The following STAG2 variants were observed in gnomAD, a reference collection of about 807,000 sequenced individuals.
STAG2 encodes cohesin subunit SA-2.
Under a neutral mutation model 108.1 loss-of-function variants are expected in STAG2, and 14 were observed. That is an observed-to-expected ratio of 0.13 (90% CI 0.09 to 0.20). STAG2 has a LOEUF of 0.20. Ranked by LOEUF, STAG2 falls within the 10% of genes least tolerant of loss-of-function variation. STAG2 has a pLI of 1.00. For missense variants in STAG2, 440 were observed against 940.9 expected (o/e 0.47, Z 6.96); for synonymous variants, 307 against 302.7 (o/e 1.01, Z -0.15).
chrX:124,067,426 G>A (rs926776325), intron 23 of STAG2, among the ~76,000 whole-genome samples: 8 of 109,142 alleles, frequency 7.3e-5, no homozygotes, highest in African/African-American at 2.0e-4. Flanking sequence ...GCATCTCCAC[G>A]CCCACTAACT....
intron 7 of STAG2, among the ~76,000 whole-genome samples, chrX:124,044,494 GTTACTT>G (rs1180149475): frequency 9.0e-6 from 1 of 111,197 alleles, no homozygotes; most frequent in Non-Finnish European, 1.9e-5. Context: ...GTCAGAGACC[GTTACTT>G]TTAGATGTTC....
chrX:124,086,975 T>TGACAGTA (rs1183807996), intron 30 of STAG2, among the ~76,000 whole-genome samples: 2 of 112,619 alleles, frequency 1.8e-5, no homozygotes, highest in African/African-American at 6.5e-5. Context: ...ATTTTTCAGA[T>TGACAGTA]GACAGTACTT....
chrX:124,090,281 T>C (rs1290030521), intron 30 of STAG2, among the ~76,000 whole-genome samples: 1 of 108,585 alleles, frequency 9.2e-6, no homozygotes, highest in East Asian at 3.0e-4. Context: ...ATACCTACTC[T>C]AGTTAGAAGT....
chrX:124,061,840 G>A lies in STAG2; in HGVS notation c.1604G>A (p.Cys535Tyr). 8.8e-7 allele frequency: 1 copy of A among 1,139,150 alleles called. No homozygotes were observed. Among genetic ancestry groups the A allele is most frequent in the Non-Finnish European group, 1.2e-6 (1 of 854,235 alleles). 93.9% of individuals were successfully genotyped at this position (1,139,150 alleles called of 1,213,427 possible). The part of the protein sequence containing the change: ...MLCTIRQAAE[C>Y]HPPVGRGTGK... ...TGTACCATTAGACAAGCGGCTGAAT[G>A]TCATCCTCCCGTGGGAAGAGGGACA... Residue 535 changes from cysteine to tyrosine, a missense_variant, in exon 17 of 35, where the codon TGT becomes TAT. Cys to Tyr is a radical substitution (Grantham distance 194). Transcript: ENST00000371145.
At position 124,086,574 on chromosome X, in the gene STAG2, C is replaced by A. The variant is rs1224358708; in HGVS notation, c.3081C>A (p.Thr1027=). ...TVYVYLEKFM[T]FQMSLRREDV... ...ATGTTTACTTGGAAAAGTTCATGAC[C>A]TTTCAGATGTCACTCCGAAGAGAGG... Residue 1027 remains threonine, a synonymous_variant, in exon 30 of 35, where the codon ACC becomes ACA. Coordinates refer to ENST00000371145, the MANE Select transcript of STAG2 (RefSeq NM_001042750.2). The A allele has an allele frequency of 8.3e-7, 1 of 1,210,180 alleles. No homozygotes were observed. The highest frequency in any genetic ancestry group is 2.2e-5 in the Admixed American group (1 of 45,959).
intron 29 of STAG2, 87 bp from the exon 30 acceptor site, chrX:124,086,460 A>G: frequency 1.5e-6 from 1 of 681,573 alleles, no homozygotes; most frequent in Non-Finnish European, 2.2e-6. Context: ...TGAGTAGTGA[A>G]GTAATATGCC....
At chrX:124,045,063 A>G (rs762891723) in intron 7 of STAG2, 101 bp from the exon 8 acceptor site, 2 of 713,095 alleles carry the variant, frequency 2.8e-6, no homozygotes, top group African/African-American at 4.2e-5. Context: ...AAGGTGAGAT[A>G]AAGATACCTT....
At chrX:123,964,374 A>G (rs960432952) in intron 1 of STAG2, among the ~76,000 whole-genome samples, 1 of 112,141 alleles carries the variant, frequency 8.9e-6, no homozygotes, top group African/African-American at 3.2e-5. Flanking sequence ...TTTCCTTTTT[A>G]ATTCTTTGAA....
intron 7 of STAG2, 83 bp downstream of exon 7, chrX:124,042,728 T>TC: frequency 1.4e-6 from 1 of 736,797 alleles, no homozygotes; most frequent in Non-Finnish European, 2.1e-6. Flanking sequence ...ATTGTAAGCA[T>TC]TAGGCTGGGC....
intron 1 of STAG2, among the ~76,000 whole-genome samples, chrX:123,990,690 C>T (rs1006839271): frequency 1.8e-5 from 2 of 111,603 alleles, no homozygotes; most frequent in Non-Finnish European, 3.8e-5. Flanking sequence ...AGTATAGGAA[C>T]AGAAAGAGGT....
intron 7 of STAG2, among the ~76,000 whole-genome samples, chrX:124,044,298 A>G (rs2057810092): frequency 8.9e-6 from 1 of 111,771 alleles, no homozygotes; most frequent in African/African-American, 3.3e-5. Context: ...CAATATAGTC[A>G]CTAAATTAGC....
intron 23 of STAG2, 63 bp downstream of exon 23, chrX:124,066,499 C>G: frequency 3.6e-6 from 3 of 830,739 alleles, no homozygotes; most frequent in Non-Finnish European, 5.3e-6. Flanking sequence ...TCAGCAAACT[C>G]ACACATTTAA....
At chrX:123,993,973 A>G (rs1040154047) in intron 1 of STAG2, among the ~76,000 whole-genome samples, 6 of 111,777 alleles carry the variant, frequency 5.4e-5, no homozygotes, top group African/African-American at 1.9e-4. Flanking sequence ...ACAGGCAGTA[A>G]ATGCTGTCTT....
At chrX:124,075,200 G>A (rs1036080670) in intron 25 of STAG2, among the ~76,000 whole-genome samples, 4 of 111,982 alleles carry the variant, frequency 3.6e-5, no homozygotes, top group Non-Finnish European at 7.5e-5. Context: ...TAGGATATGC[G>A]CAGACTGTTC....
intron 34 of STAG2, chrX:124,097,650 T>C (rs1450933103): frequency 3.0e-6 from 1 of 328,049 alleles, no homozygotes; most frequent in African/African-American, 2.6e-5. Flanking sequence ...CTGTGCTAGG[T>C]ATGATTTATT....
chrX:124,067,771 C>A (rs1933966226), intron 23 of STAG2, among the ~76,000 whole-genome samples: 1 of 111,496 alleles, frequency 9.0e-6, no homozygotes, highest in African/African-American at 3.3e-5. Flanking sequence ...GTGGCTCACG[C>A]CTGTACTCCC....
chrX:124,084,936 C>T (rs773024838), intron 29 of STAG2, among the ~76,000 whole-genome samples: 1 of 111,630 alleles, frequency 9.0e-6, no homozygotes, highest in Non-Finnish European at 1.9e-5. Context: ...GTTTAAGATT[C>T]TCTCTACCTC....
At chrX:124,089,316 CA>C (rs2059195128) in intron 30 of STAG2, among the ~76,000 whole-genome samples, 1 of 112,383 alleles carries the variant, frequency 8.9e-6, no homozygotes, top group Non-Finnish European at 1.9e-5. Flanking sequence ...ACTATTAATT[CA>C]GTAACAATTG....
At chrX:123,988,806 T>C (rs1215012251) in intron 1 of STAG2, among the ~76,000 whole-genome samples, 1 of 111,622 alleles carries the variant, frequency 9.0e-6, no homozygotes, top group Non-Finnish European at 1.9e-5. Flanking sequence ...TAAAAAGAAT[T>C]TGCCTGGGTA....
Sources: gnomAD v4.1 joint callset for allele counts (sites outside exome capture counted in the v4.1 genomes callset) on GRCh38, gnomAD v4.1.1 for gene constraint, MANE v1.5 for transcripts, NCBI Gene and HGNC (gene_info 2026-07-23, HGNC 2026-07-21) for gene names.